SEMA5A: variants seen among roughly 807,000 people sequenced by gnomAD.
SEMA5A encodes semaphorin-5A.
SEMA5A carries 55 observed loss-of-function variants against 135.5 expected under a neutral mutation model. That is an observed-to-expected ratio of 0.41 (90% CI 0.33 to 0.51). The LOEUF (loss-of-function observed/expected upper bound fraction) is 0.51, where lower values mean the gene tolerates loss of function less well. SEMA5A is among the 20% of genes least tolerant of loss of function. SEMA5A has a pLI of 0.37. For synonymous variants in SEMA5A, 580 were observed against 546.5 expected (o/e 1.06, Z -0.85); for missense variants, 1,290 against 1,419.9 (o/e 0.91, Z 1.47).
intron 2 of SEMA5A, among the ~76,000 whole-genome samples, chr5:9,433,340 A>C (rs540220415): frequency 6.6e-6 from 1 of 152,216 alleles, no homozygotes; most frequent in African/African-American, 2.4e-5. Flanking sequence ...ATTCCTAAGC[A>C]CTGATTAAAA....
intron 1 of SEMA5A, among the ~76,000 whole-genome samples, chr5:9,444,810 G>T (rs1407908892): frequency 6.6e-6 from 1 of 152,130 alleles, no homozygotes; most frequent in Non-Finnish European, 1.5e-5. Context: ...ATCTCTTAAC[G>T]GTTTTTCTTT....
intron 5 of SEMA5A, chr5:9,280,819 T>C: frequency 2.3e-6 from 1 of 430,828 alleles, no homozygotes; most frequent in Non-Finnish European, 4.7e-6. Flanking sequence ...TGGAAGGAAA[T>C]TGTTCCAATT....
At chr5:9,472,390 A>C (rs755935671) in intron 1 of SEMA5A, among the ~76,000 whole-genome samples, 19 of 152,190 alleles carry the variant, frequency 1.2e-4, no homozygotes, top group Non-Finnish European at 2.5e-4. Flanking sequence ...CTGACTTTGG[A>C]AATCAATTCT....
intron 11 of SEMA5A, among the ~76,000 whole-genome samples, chr5:9,170,355 G>A (rs1050750048): frequency 3.3e-5 from 5 of 152,080 alleles, no homozygotes; most frequent in African/African-American, 1.2e-4. Context: ...CTAGTACTTT[G>A]TGCCATACTC....
rs759678599 is a variant in SEMA5A at position 9,066,418 on chromosome 5, C to T, written c.2299+3G>A. The T allele has an allele frequency of 1.2e-6, 2 of 1,613,778 alleles. No individual in the cohort carries two copies. Among genetic ancestry groups the T allele is most frequent in the South Asian group, 1.1e-5 (1 of 91,076 alleles). On this transcript the variant is annotated splice_donor_region_variant and intron_variant, in intron 17 of 22. Coordinates refer to ENST00000382496, the MANE Select transcript of SEMA5A (RefSeq NM_003966.3). ...GGTCAGTCCCCACGGAATCACTACT[C>T]ACCATCTGTGGAGCAGCCACTGGTG...
chr5:9,490,667 C>T (rs1300283942), intron 1 of SEMA5A, among the ~76,000 whole-genome samples: 6 of 152,166 alleles, frequency 3.9e-5, no homozygotes, highest in African/African-American at 1.4e-4. Context: ...AACACTAATG[C>T]CTAATCCCAT....
chr5:9,299,677 C>T (rs1751513909), intron 5 of SEMA5A, among the ~76,000 whole-genome samples: 1 of 152,220 alleles, frequency 6.6e-6, no homozygotes, highest in Non-Finnish European at 1.5e-5. Context: ...CATTTACAAA[C>T]ACCTGTCATT....
chr5:9,305,119 T>G (rs2150624221), intron 5 of SEMA5A, among the ~76,000 whole-genome samples: 1 of 152,240 alleles, frequency 6.6e-6, no homozygotes, highest in East Asian at 1.9e-4. Context: ...AATATTTTTC[T>G]CCCTCTCGCC....
At chr5:9,307,230 G>A (rs1751913104) in intron 5 of SEMA5A, among the ~76,000 whole-genome samples, 1 of 152,158 alleles carries the variant, frequency 6.6e-6, no homozygotes. Flanking sequence ...ATTGATACAA[G>A]CAGATTAAAC....
At position 9,512,853 on chromosome 5, in the gene SEMA5A, G is replaced by A. The variant is rs569586512; in HGVS notation, c.-175+32731C>T. On this transcript the variant is annotated intron_variant, in intron 1 of 22. Transcript: ENST00000382496. ...ATCTGTTCTTGAAAGTCACATAAAC[G>A]TGACCTGAACAAATACGCTCCCCTG... Among the ~76,000 whole-genome samples the A allele has an allele frequency of 5.3e-5, 8 of 152,026 alleles. 1 individual carries two copies. Among genetic ancestry groups the A allele is most frequent in the African/African-American group, 1.7e-4 (7 of 41,474 alleles).
chr5:9,520,218 C>T (rs35617929), intron 1 of SEMA5A, among the ~76,000 whole-genome samples: 3,191 of 152,306 alleles, frequency 0.021, 52 homozygotes, highest in Non-Finnish European at 0.031. Context: ...TTCCTAAGCA[C>T]CTACTCCAGG....
At chr5:9,115,765 T>C (rs1337326460) in intron 15 of SEMA5A, among the ~76,000 whole-genome samples, 1 of 152,142 alleles carries the variant, frequency 6.6e-6, no homozygotes, top group Non-Finnish European at 1.5e-5. Flanking sequence ...GACTCTATGG[T>C]GGCCCTAGTG....
chr5:9,194,147 C>A (rs779161871), intron 10 of SEMA5A, among the ~76,000 whole-genome samples: 17 of 152,164 alleles, frequency 1.1e-4, no homozygotes, highest in Non-Finnish European at 1.9e-4. Flanking sequence ...GTGATTGCCG[C>A]GTGTCTTACT....
chr5:9,500,283 C>T (rs981717323), intron 1 of SEMA5A, among the ~76,000 whole-genome samples: 1 of 152,198 alleles, frequency 6.6e-6, no homozygotes. Context: ...TTCATAAATT[C>T]ACTACATATT....
chr5:9,454,849 C>T (rs1758771787), intron 1 of SEMA5A, among the ~76,000 whole-genome samples: 1 of 152,124 alleles, frequency 6.6e-6, no homozygotes, highest in African/African-American at 2.4e-5. Flanking sequence ...CTTTCTCTAC[C>T]TCCATTTCTA....
chr5:9,132,961 G>T (rs898166979), intron 13 of SEMA5A, among the ~76,000 whole-genome samples: 1 of 152,196 alleles, frequency 6.6e-6, no homozygotes, highest in Non-Finnish European at 1.5e-5. Flanking sequence ...AGTGTTTACT[G>T]ATTGCAAACT....
intron 3 of SEMA5A, among the ~76,000 whole-genome samples, chr5:9,363,927 T>A (rs1054994081): frequency 6.6e-6 from 1 of 152,192 alleles, no homozygotes; most frequent in Admixed American, 6.5e-5. Context: ...CATATGGAAG[T>A]AGGCAGGCGA....
intron 5 of SEMA5A, among the ~76,000 whole-genome samples, chr5:9,267,826 A>G (rs28421167): frequency 0.01 from 1,564 of 152,260 alleles, 21 homozygotes; most frequent in African/African-American, 0.032. Flanking sequence ...GAACACGTGG[A>G]TAACTTTTTA....
intron 1 of SEMA5A, among the ~76,000 whole-genome samples, chr5:9,444,184 T>A (rs1021343525): frequency 3.3e-5 from 5 of 151,582 alleles, no homozygotes; most frequent in African/African-American, 1.2e-4. Flanking sequence ...TTTTTTTAAT[T>A]TTTTTTTTAT....
Sources: allele counts gnomAD v4.1 joint callset (sites outside exome capture counted in the v4.1 genomes callset), GRCh38; gene constraint gnomAD v4.1.1; transcripts MANE v1.5; gene names NCBI Gene and HGNC (gene_info 2026-07-23, HGNC 2026-07-21).